ZNRF3: variants seen among roughly 807,000 people sequenced by gnomAD.
The protein encoded by ZNRF3 is zinc and ring finger 3.
A neutral mutation model predicts 72.5 loss-of-function variants in ZNRF3; 23 were observed. The ratio of observed to expected loss-of-function variants is 0.32; its 90% CI spans 0.23 to 0.45. The LOEUF is 0.45. ZNRF3 is among the 20% of genes least tolerant of loss of function. The pLI is 1.00. For missense variants in ZNRF3, 1,169 were observed against 1,272.1 expected (o/e 0.92, Z 1.23); for synonymous variants, 610 against 545.3 (o/e 1.12, Z -1.65).
chr22:28,959,064 C>G (rs902505678), intron 1 of ZNRF3, among the ~76,000 whole-genome samples: 2 of 152,220 alleles, frequency 1.3e-5, no homozygotes, highest in African/African-American at 4.8e-5. Flanking sequence ...GGCTGAATTG[C>G]TTCTCAAGTT....
At chr22:28,908,232 A>G (rs1359880857) in intron 1 of ZNRF3, among the ~76,000 whole-genome samples, 1 of 152,250 alleles carries the variant, frequency 6.6e-6, no homozygotes, top group Non-Finnish European at 1.5e-5. Flanking sequence ...GCTGCAAGTC[A>G]TCTCCATAAG....
At chr22:28,990,923 C>T (rs1242496579) in intron 2 of ZNRF3, among the ~76,000 whole-genome samples, 1 of 151,976 alleles carries the variant, frequency 6.6e-6, no homozygotes, top group East Asian at 1.9e-4. Context: ...TTCTGTAACT[C>T]AAGGCAGAAT....
chr22:28,899,308 A>G (rs2034061126), intron 1 of ZNRF3, among the ~76,000 whole-genome samples: 2 of 152,138 alleles, frequency 1.3e-5, no homozygotes. Flanking sequence ...ACATTGCATC[A>G]CTGTAAGTTT....
chr22:29,049,691 A>T lies in ZNRF3; in HGVS notation c.1510A>T (p.Ser504Cys). The change falls in exon 8 of 9, where the codon AGT becomes TGT. Residue 504 changes from serine to cysteine, a missense_variant. Physicochemically the swap from Ser to Cys is moderately radical, Grantham distance 112. Transcript: ENST00000544604. The surrounding 1 kb of genome is among the most constrained non-coding windows in gnomAD (Gnocchi z 5.2). ...GGCCCGTGCCTTTCCTCCGAGCGGC[A>T]GTGGCAGCCTGCTCTTCCCCACCGT... ...GPARAFPPSG[S>C]GSLLFPTVVH... 2 of 1,606,708 alleles carry T rather than the reference A, an allele frequency of 1.2e-6. No individual in the cohort carries two copies. Among genetic ancestry groups the T allele is most frequent in the Non-Finnish European group, 1.7e-6 (2 of 1,178,608 alleles).
chr22:29,031,658 C>A (rs959863456), intron 2 of ZNRF3: 1 of 983,604 alleles, frequency 1.0e-6, no homozygotes, highest in Admixed American at 6.1e-5. Flanking sequence ...CACTTAGTGG[C>A]CTCCAGAGGG....
At chr22:28,933,023 G>T (rs1450573996) in intron 1 of ZNRF3, among the ~76,000 whole-genome samples, 1 of 152,210 alleles carries the variant, frequency 6.6e-6, no homozygotes, top group Non-Finnish European at 1.5e-5. Flanking sequence ...TTAGGATGAA[G>T]TGTGTGTTCC....
chr22:29,051,337 A>G (rs1198948519), intron 8 of ZNRF3, among the ~76,000 whole-genome samples: 1 of 152,164 alleles, frequency 6.6e-6, no homozygotes, highest in Non-Finnish European at 1.5e-5. Flanking sequence ...ACTTGAGGCC[A>G]GGAGTTGGAG....
At chr22:29,011,934 A>G (rs921319955) in intron 2 of ZNRF3, among the ~76,000 whole-genome samples, 2 of 152,176 alleles carry the variant, frequency 1.3e-5, no homozygotes, top group South Asian at 4.1e-4. Flanking sequence ...TTGTAACAAG[A>G]TCCTCTTTTG....
intron 8 of ZNRF3, 111 bp from the exon 9 acceptor site, chr22:29,053,468 T>C (rs2037243704): frequency 9.2e-6 from 9 of 981,128 alleles, no homozygotes; most frequent in South Asian, 6.4e-5. Context: ...TTCAGCCCTT[T>C]AGCATACACA....
intron 1 of ZNRF3, among the ~76,000 whole-genome samples, chr22:28,933,735 CA>C (rs2034762297): frequency 2.3e-5 from 2 of 85,248 alleles, no homozygotes; most frequent in Non-Finnish European, 4.9e-5. Flanking sequence ...CCCCCCCACA[CA>C]CACACACACA....
chr22:28,939,299 A>AC (rs397781803), intron 1 of ZNRF3, among the ~76,000 whole-genome samples: 6 of 151,704 alleles, frequency 4.0e-5, no homozygotes, highest in Middle Eastern at 3.4e-3. Flanking sequence ...AAAAAAAAAA[A>AC]CAAAACCTCA....
rs768823925 is a variant in ZNRF3 at position 29,050,125 on chromosome 22, G to C, written c.1944G>C (p.Pro648=). 13 of 1,606,624 alleles carry C rather than the reference G, an allele frequency of 8.1e-6. No individual in the cohort carries two copies. In the Admixed American group the frequency reaches 1.7e-4, roughly 21 times the overall value. ...GTGCTGGGCGGGGCGAGCCTTGGCC[G>C]GGCCCTGCCTCTCCCTCGGGGGATC... ...SHGAGRGEPW[P]GPASPSGDQV... is the part of the protein sequence containing the mutation. Residue 648 remains proline, a synonymous_variant, in exon 8 of 9, where the codon CCG becomes CCC. Coordinates refer to ENST00000544604, the MANE Select transcript of ZNRF3 (RefSeq NM_001206998.2).
rs756328029 is a variant in ZNRF3 at position 29,049,675 on chromosome 22, C to T, written c.1494C>T (p.Ala498=). 1 of 1,608,720 alleles carries T rather than the reference C, an allele frequency of 6.2e-7. No individual in the cohort carries two copies. Among genetic ancestry groups the T allele is most frequent in the South Asian group, 1.1e-5 (1 of 90,896 alleles). The change falls in exon 8 of 9, where the codon GCC becomes GCT. Residue 498 remains alanine (A), a synonymous_variant. Coordinates refer to ENST00000544604, the MANE Select transcript of ZNRF3 (RefSeq NM_001206998.2). This position sits in a 1 kb window ranked among gnomAD's most constrained non-coding sequence, Gnocchi z 5.2. ...TCGCACCCCGGGGCCCGGCCCGTGC[C>T]TTTCCTCCGAGCGGCAGTGGCAGCC... ...PSLAPRGPAR[A]FPPSGSGSLL... is the part of the protein sequence containing the mutation.
intron 1 of ZNRF3, among the ~76,000 whole-genome samples, chr22:28,914,182 T>C (rs2034368062): frequency 6.6e-6 from 1 of 152,216 alleles, no homozygotes; most frequent in Non-Finnish European, 1.5e-5. Flanking sequence ...ACTGCTGGGT[T>C]GGCATCCTGG....
intron 1 of ZNRF3, among the ~76,000 whole-genome samples, chr22:28,934,456 G>A (rs1257640490): frequency 1.3e-5 from 2 of 152,154 alleles, no homozygotes; most frequent in Non-Finnish European, 2.9e-5. Context: ...GAATGTTGAA[G>A]TAAGAAAGAA....
chr22:28,954,682 G>A (rs2035224375), intron 1 of ZNRF3, among the ~76,000 whole-genome samples: 1 of 151,864 alleles, frequency 6.6e-6, no homozygotes, highest in Non-Finnish European at 1.5e-5. Context: ...AGGCTGGAGT[G>A]CAGTCCATGA....
At chr22:28,884,245 C>T (rs1404572845) in intron 1 of ZNRF3, among the ~76,000 whole-genome samples, 179 bp downstream of exon 1, 2 of 151,808 alleles carry the variant, frequency 1.3e-5, no homozygotes, top group African/African-American at 4.8e-5. Context: ...CTCCGGGGCG[C>T]ATCCGCGGGG....
At chr22:29,001,945 T>C (rs2036156663) in intron 2 of ZNRF3, among the ~76,000 whole-genome samples, 1 of 152,228 alleles carries the variant, frequency 6.6e-6, no homozygotes, top group Non-Finnish European at 1.5e-5. Context: ...CTGAGATTCC[T>C]AAAAATAATT....
intron 1 of ZNRF3, among the ~76,000 whole-genome samples, chr22:28,973,760 A>T (rs182251034): frequency 2.4e-3 from 368 of 152,136 alleles, no homozygotes; most frequent in African/African-American, 8.6e-3. Context: ...AAAGAAATTT[A>T]AAAAAAAGAA....
Sources: gnomAD v4.1 joint callset for allele counts (sites outside exome capture counted in the v4.1 genomes callset) on GRCh38, gnomAD v4.1.1 for gene constraint, Gnocchi (gnomAD v3.1) non-coding constraint, MANE v1.5 for transcripts, NCBI Gene and HGNC (gene_info 2026-07-23, HGNC 2026-07-21) for gene names.